Variants in DTHD1 observed in about 807,000 individuals in gnomAD.
The protein encoded by DTHD1 is death domain containing 1.
DTHD1 carries 59 observed loss-of-function variants against 74.8 expected under a neutral mutation model. That is an observed-to-expected ratio of 0.79 (90% CI 0.64 to 0.98). The LOEUF (loss-of-function observed/expected upper bound fraction) is 0.98. Among genes scored for constraint, DTHD1 ranks in the 50% least tolerant of loss-of-function variants. The pLI is 0.00. For missense variants in DTHD1, 1,051 were observed against 1,065.4 expected, an observed-to-expected ratio of 0.99 and a Z score of 0.19; for synonymous variants, 365 against 371.1, an observed-to-expected ratio of 0.98 and a Z score of 0.19.
intron 8 of DTHD1, among the ~76,000 whole-genome samples, chr4:36,324,020 A>G (rs530423886): frequency 6.6e-6 from 1 of 152,270 alleles, no homozygotes; most frequent in African/African-American, 2.4e-5. Flanking sequence ...CATGTCACTA[A>G]GAGGAACATG....
chr4:36,299,064 C>A (rs1371671345), intron 5 of DTHD1, among the ~76,000 whole-genome samples: 2 of 152,136 alleles, frequency 1.3e-5, no homozygotes, highest in African/African-American at 4.8e-5. Flanking sequence ...ATTCCATCCC[C>A]TTTGTCCTCA....
At chr4:36,327,256 C>T (rs573288425) in intron 8 of DTHD1, among the ~76,000 whole-genome samples, 4 of 152,198 alleles carry the variant, frequency 2.6e-5, no homozygotes, top group South Asian at 2.1e-4. Flanking sequence ...TGTGAGCCAC[C>T]GCGCCTGGCC....
In DTHD1 at chr4:36,294,844, A is replaced by T. The variant is rs1006425300; in HGVS notation, c.1448A>T (p.Asp483Val). The stretch of plus-strand genomic sequence containing the variant: ...GTGGCACATTTAAAAGCACAGCAAG[A>T]TACTTTCTACTCAGTCCAATCCACA... ...ALVAHLKAQQ[D>V]TFYSVQSTSP... Residue 483 changes from aspartate (D) to valine (V), a missense_variant, in exon 5 of 10, where the codon GAT (aspartate) becomes GTT (valine). Physicochemically the swap from Asp to Val is radical, Grantham distance 152. Coordinates refer to ENST00000639862, the MANE Select transcript of DTHD1 (RefSeq NM_001170700.3). 6.4e-7 allele frequency: 1 copy of T among 1,550,856 alleles called. No individual in the cohort carries two copies. Among genetic ancestry groups the T allele is most frequent in the African/African-American group, 1.4e-5 (1 of 73,006 alleles).
chr4:36,325,796 C>T (rs945327795), intron 8 of DTHD1, among the ~76,000 whole-genome samples: 1 of 152,182 alleles, frequency 6.6e-6, no homozygotes, highest in African/African-American at 2.4e-5. Context: ...GTTGTTTAAA[C>T]TTGCATTTCA....
rs190472265 is a variant in DTHD1 at position 36,307,452 on chromosome 4, A to G, written c.1806-752A>G. Among the ~76,000 whole-genome samples, 52 of 152,292 alleles carry G rather than the reference A, an allele frequency of 3.4e-4. No homozygotes were observed. In the East Asian group the frequency reaches 7.1e-3, roughly 21 times the overall value. ...TCTTTTATGACATCAGTCATACTGG[A>G]TTAGAGAAGACCTTAACGACCTCAC... On this transcript the variant is annotated intron_variant, in intron 6 of 9. Transcript: ENST00000639862.
intron 7 of DTHD1, among the ~76,000 whole-genome samples, chr4:36,313,125 A>G (rs912848775): frequency 1.3e-5 from 2 of 152,134 alleles, no homozygotes; most frequent in Non-Finnish European, 2.9e-5. Flanking sequence ...TTACATTTGT[A>G]TTTTCTATGT....
chr4:36,308,461 T>G lies in DTHD1; in HGVS notation c.2063T>G (p.Leu688Arg), dbSNP rs748005265. 14 of 1,551,590 alleles carry G rather than the reference T, an allele frequency of 9.0e-6. No individual in the cohort carries two copies. The South Asian group carries it at 1.5e-4, about 17-fold the overall frequency. Residue 688 changes from leucine (L) to arginine (R), a missense_variant, in exon 7 of 10, where the codon CTT becomes CGT. Leu to Arg is a moderately radical substitution (Grantham distance 102). Transcript: ENST00000639862. The stretch of plus-strand genomic sequence containing the variant: ...CAAGTTCGAGAAGGAGAACAACTTC[T>G]TTTAAGATTTACTGGAAACATATTT... ...HFQVREGEQLLLRFTGNIFAS... is the reference protein window; with the variant it reads ...HFQVREGEQLRLRFTGNIFAS...
chr4:36,329,432 C>A (rs1758541787), intron 8 of DTHD1, among the ~76,000 whole-genome samples: 2 of 152,214 alleles, frequency 1.3e-5, no homozygotes, highest in African/African-American at 4.8e-5. Flanking sequence ...ATTGTCAGAG[C>A]AGAGATGACA....
chr4:36,342,622 T>C (rs1759377900), intron 9 of DTHD1, among the ~76,000 whole-genome samples: 1 of 151,958 alleles, frequency 6.6e-6, no homozygotes, highest in South Asian at 2.1e-4. Flanking sequence ...AGAATTGTTT[T>C]TGGGTGGTAG....
intron 5 of DTHD1, among the ~76,000 whole-genome samples, chr4:36,303,043 C>T (rs73809165): frequency 0.02 from 2,970 of 152,212 alleles, 94 homozygotes; most frequent in African/African-American, 0.067. Flanking sequence ...ACATTTTAAT[C>T]TGTAGCCTCA....
At chr4:36,327,491 T>G (rs914385167) in intron 8 of DTHD1, among the ~76,000 whole-genome samples, 1 of 152,204 alleles carries the variant, frequency 6.6e-6, no homozygotes, top group African/African-American at 2.4e-5. Flanking sequence ...TAATAGCGTC[T>G]TCCACGTAGC....
intron 7 of DTHD1, among the ~76,000 whole-genome samples, chr4:36,310,601 G>A (rs146820219): frequency 3.7e-4 from 56 of 152,198 alleles, no homozygotes; most frequent in African/African-American, 1.3e-3. Flanking sequence ...ATATGGATCC[G>A]ATTTAATTTT....
At chr4:36,330,781 A>G (rs1186207190) in intron 8 of DTHD1, among the ~76,000 whole-genome samples, 1 of 152,148 alleles carries the variant, frequency 6.6e-6, no homozygotes, top group Admixed American at 6.5e-5. Flanking sequence ...ATACTTACAT[A>G]AGCTTTTATT....
chr4:36,303,333 AAAGTTT>A (rs1352372501), intron 5 of DTHD1, among the ~76,000 whole-genome samples: 1 of 152,232 alleles, frequency 6.6e-6, no homozygotes. Context: ...TGTGCCTATT[AAAGTTT>A]AAGTTTAATC....
chr4:36,296,473 A>T (rs187179951), intron 5 of DTHD1, among the ~76,000 whole-genome samples: 33 of 152,284 alleles, frequency 2.2e-4, no homozygotes, highest in Admixed American at 2.0e-3. Flanking sequence ...TATGAAAGAG[A>T]GATAATGGAA....
intron 6 of DTHD1, 117 bp downstream of exon 6, chr4:36,306,469 A>T: frequency 3.5e-6 from 4 of 1,137,426 alleles, no homozygotes; most frequent in Non-Finnish European, 3.6e-6. Flanking sequence ...AATATTAACC[A>T]TTCTTTAAAG....
At chr4:36,329,980 G>A (rs866407228) in intron 8 of DTHD1, among the ~76,000 whole-genome samples, 7 of 152,068 alleles carry the variant, frequency 4.6e-5, no homozygotes, top group East Asian at 3.8e-4. Flanking sequence ...CTTTTAAAAC[G>A]TATTTATGTA....
chr4:36,325,548 A>G (rs972286567), intron 8 of DTHD1, among the ~76,000 whole-genome samples: 1 of 152,212 alleles, frequency 6.6e-6, no homozygotes, highest in African/African-American at 2.4e-5. Context: ...ACAGTGTGAT[A>G]GCCTATGTAA....
At chr4:36,297,580 G>T (rs951378292) in intron 5 of DTHD1, among the ~76,000 whole-genome samples, 1 of 151,958 alleles carries the variant, frequency 6.6e-6, no homozygotes, top group Non-Finnish European at 1.5e-5. Flanking sequence ...AAAGGGTTTT[G>T]GTTATTGCTA....
Sources: allele counts gnomAD v4.1 joint callset (sites outside exome capture counted in the v4.1 genomes callset), GRCh38; gene constraint gnomAD v4.1.1; transcripts MANE v1.5; gene names NCBI Gene and HGNC (gene_info 2026-07-23, HGNC 2026-07-21).